The following SVOP variants were observed in gnomAD, a reference collection of about 807,000 sequenced individuals.
SVOP encodes the protein synaptic vesicle 2-related protein.
SVOP carries 17 observed loss-of-function variants against 69.1 expected under a neutral mutation model. That is an observed-to-expected ratio of 0.25 (90% CI 0.17 to 0.37). The LOEUF (loss-of-function observed/expected upper bound fraction) is 0.37, where lower values mean the gene tolerates loss of function less well. Among genes scored for constraint, SVOP ranks in the 10% least tolerant of loss-of-function variants. The pLI is 1.00. For synonymous variants in SVOP, 238 were observed against 238.6 expected (o/e 1.00, Z 0.02); for missense variants, 435 against 597.5 (o/e 0.73, Z 2.84).
chr12:108,938,858 A>G lies in SVOP; in HGVS notation c.866T>C (p.Met289Thr). ...GGAGATGATGAGTTTCCCCAGCGGCATGGGAGCTCCGTTTTCAGTTGCTAT... is the reference window on the plus strand; with the variant it reads ...GGAGATGATGAGTTTCCCCAGCGGCGTGGGAGCTCCGTTTTCAGTTGCTAT... ...KRIATENGAP[M>T]PLGKLIISRQ... is the part of the protein sequence containing the mutation. The change falls in exon 9 of 16, where the codon ATG becomes ACG. Residue 289 changes from methionine (M) to threonine (T), a missense_variant. Transcript: ENST00000610966. 6.2e-7 allele frequency: 1 copy of G among 1,613,972 alleles called. No homozygotes were observed. Among genetic ancestry groups the G allele is most frequent in the Non-Finnish European group, 8.5e-7 (1 of 1,179,876 alleles).
At chr12:108,997,658 C>A (rs1365895306) in intron 1 of SVOP, among the ~76,000 whole-genome samples, 1 of 151,432 alleles carries the variant, frequency 6.6e-6, no homozygotes, top group Non-Finnish European at 1.5e-5. Flanking sequence ...TGACCCCTGA[C>A]CCCCGAGCAG....
Position 109,017,799 on chromosome 12 carries a change from C to T in SVOP, c.35+3035G>A, listed in dbSNP as rs755801573. 2.2e-4 allele frequency among the ~76,000 whole-genome samples: 33 copies of T among 152,104 alleles called. 1 individual carries two copies. The highest frequency in any genetic ancestry group is 8.5e-4 in the Admixed American group (13 of 15,254). ...CCTCAAATGATCCACCCACCTCGGT[C>T]TCCCAAAGTGCTGGGATTATAGGCA... On this transcript the variant is annotated intron_variant, in intron 1 of 15. Transcript: ENST00000610966.
chr12:108,967,285 G>C (rs143444041), intron 5 of SVOP, among the ~76,000 whole-genome samples: 4 of 152,036 alleles, frequency 2.6e-5, no homozygotes, highest in Non-Finnish European at 5.9e-5. Flanking sequence ...CAGATCACGA[G>C]GTCAGGAGAT....
chr12:108,993,673 C>T (rs1439264080), intron 1 of SVOP, among the ~76,000 whole-genome samples: 1 of 152,118 alleles, frequency 6.6e-6, no homozygotes, highest in Non-Finnish European at 1.5e-5. Context: ...CTGTGAAAGG[C>T]TTATGGTGGG....
chr12:108,935,975 A>AC (rs2039853829), intron 10 of SVOP, among the ~76,000 whole-genome samples: 1 of 151,546 alleles, frequency 6.6e-6, no homozygotes, highest in Admixed American at 6.6e-5. Context: ...CCCCTGTGGT[A>AC]CCCAAGGGGC....
intron 1 of SVOP, among the ~76,000 whole-genome samples, chr12:109,005,322 C>A (rs2040299878): frequency 1.3e-5 from 2 of 152,092 alleles, no homozygotes; most frequent in South Asian, 4.2e-4. Context: ...AGTTTTCTCA[C>A]CTATAAAATG....
chr12:108,994,098 C>T (rs138317731), intron 1 of SVOP, among the ~76,000 whole-genome samples: 1 of 152,276 alleles, frequency 6.6e-6, no homozygotes, highest in Non-Finnish European at 1.5e-5. Context: ...TTTGTGATAG[C>T]TTTCACAATG....
chr12:108,934,625 G>A (rs937948166), intron 10 of SVOP, among the ~76,000 whole-genome samples: 6 of 152,114 alleles, frequency 3.9e-5, no homozygotes, highest in African/African-American at 9.7e-5. Context: ...ATAGGAGGTC[G>A]GCCAAGATAC....
chr12:108,917,702 G>T (rs1420759691), intron 14 of SVOP, among the ~76,000 whole-genome samples: 1 of 151,398 alleles, frequency 6.6e-6, no homozygotes, highest in Admixed American at 6.6e-5. Flanking sequence ...GAGTACAGTG[G>T]CATGACCATG....
chr12:108,932,528 G>A (rs2039827659), intron 11 of SVOP, among the ~76,000 whole-genome samples: 1 of 152,152 alleles, frequency 6.6e-6, no homozygotes, highest in African/African-American at 2.4e-5. Flanking sequence ...TCCTAGGCGA[G>A]CAAACTGAAA....
intron 14 of SVOP, 94 bp from the exon 15 acceptor site, chr12:108,915,966 CG>C: frequency 8.0e-7 from 1 of 1,254,450 alleles, no homozygotes; most frequent in African/African-American, 1.5e-5. Flanking sequence ...AGGGGCAGGC[CG>C]GAAGTCAGGG....
chr12:109,005,458 CTGAG>C (rs1403011614), intron 1 of SVOP, among the ~76,000 whole-genome samples: 1 of 152,150 alleles, frequency 6.6e-6, no homozygotes, highest in Non-Finnish European at 1.5e-5. Context: ...GGCTGACATG[CTGAG>C]TGAGTGCTGG....
chr12:108,922,008 G>A (rs1164281475), intron 12 of SVOP, among the ~76,000 whole-genome samples: 1 of 152,180 alleles, frequency 6.6e-6, no homozygotes, highest in Non-Finnish European at 1.5e-5. Flanking sequence ...TGCAGGTTTG[G>A]ATTTTTGACA....
At chr12:108,935,436 C>A (rs1227773161) in intron 10 of SVOP, among the ~76,000 whole-genome samples, 1 of 152,194 alleles carries the variant, frequency 6.6e-6, no homozygotes, top group African/African-American at 2.4e-5. Flanking sequence ...ATTCAAGGAG[C>A]GTTGGCCCAA....
intron 1 of SVOP, among the ~76,000 whole-genome samples, chr12:108,990,153 A>G (rs952407162): frequency 6.6e-6 from 1 of 152,246 alleles, no homozygotes; most frequent in Middle Eastern, 3.4e-3. Context: ...CTCAGGAATG[A>G]ATGCAAGGTC....
Position 108,912,834 on chromosome 12 carries a change from C to G in SVOP, c.1441-93G>C. On this transcript the variant is annotated intron_variant, in intron 15 of 15. Transcript: ENST00000610966. ...TAGTATTAGTAACATCAGGCCCTCT[C>G]GTGATATCTGCTTGCTAAAAAGGAT... The G allele has an allele frequency of 2.4e-6, 3 of 1,263,316 alleles. No individual in the cohort carries two copies. In the South Asian group the frequency reaches 4.2e-5, roughly 18 times the overall value. The allele number at this position is 1,263,316 out of a possible 1,614,324, so 78.3% of individuals were successfully genotyped here.
At position 108,960,471 on chromosome 12, in the gene SVOP, G is replaced by C. The variant is rs192277394; in HGVS notation, c.578+452C>G. Among the ~76,000 whole-genome samples, 596 of 152,236 alleles carry C rather than the reference G, an allele frequency of 3.9e-3. 4 individuals carry two copies. The highest frequency in any genetic ancestry group is 0.014 in the African/African-American group (576 of 41,534). ...TGGTTAGCATCATACTCTGCCTTGCGTTTAGGTAGGAAGAGCGTGGGAAGC... is the reference window on the plus strand; with the variant it reads ...TGGTTAGCATCATACTCTGCCTTGCCTTTAGGTAGGAAGAGCGTGGGAAGC... On this transcript the variant is annotated intron_variant, in intron 6 of 15. Transcript: ENST00000610966.
chr12:108,923,848 A>C (rs768938788), intron 11 of SVOP, among the ~76,000 whole-genome samples: 5 of 152,122 alleles, frequency 3.3e-5, no homozygotes, highest in Non-Finnish European at 5.9e-5. Flanking sequence ...TGTTCCAGGC[A>C]GAGTTAATAA....
At chr12:108,987,846 T>C (rs1310503609) in intron 1 of SVOP, among the ~76,000 whole-genome samples, 2 of 152,180 alleles carry the variant, frequency 1.3e-5, no homozygotes, top group African/African-American at 4.8e-5. Context: ...ATCAGACATA[T>C]GATTTGCAAA....
Sources: gnomAD v4.1 joint callset for allele counts (sites outside exome capture counted in the v4.1 genomes callset) on GRCh38, gnomAD v4.1.1 for gene constraint, MANE v1.5 for transcripts, NCBI Gene and HGNC (gene_info 2026-07-23, HGNC 2026-07-21) for gene names.